Variants in LRCH3 observed in about 807,000 individuals in gnomAD.
LRCH3 encodes leucine rich repeats and calponin homology domain containing 3, also known as DISP complex protein LRCH3.
LRCH3 carries 68 observed loss-of-function variants against 104.5 expected under a neutral mutation model. The observed-to-expected ratio is 0.65, with a 90% CI of 0.54 to 0.80. LRCH3 has a LOEUF of 0.80. Among genes scored for constraint, LRCH3 ranks in the 30% least tolerant of loss-of-function variants. The probability of loss-of-function intolerance (pLI) is 0.00; values close to 1 mark genes in which losing one functional copy is unlikely to be tolerated. For synonymous variants in LRCH3, 344 were observed against 361.3 expected (o/e 0.95, Z 0.54); for missense variants, 951 against 953.9 (o/e 1.00, Z 0.04).
intron 10 of LRCH3, among the ~76,000 whole-genome samples, chr3:197,844,977 T>C (rs1322413585): frequency 1.3e-5 from 2 of 152,118 alleles, no homozygotes; most frequent in East Asian, 1.9e-4. Flanking sequence ...GATTTGGGGA[T>C]GTCAAGATCA....
rs1320184145 is a variant in LRCH3, at chr3:197,826,938, C to G, written c.701C>G (p.Pro234Arg). 1.2e-6 allele frequency: 2 copies of G among 1,613,922 alleles called. No individual in the cohort carries two copies. Among genetic ancestry groups the G allele is most frequent in the Non-Finnish European group, 1.7e-6 (2 of 1,180,024 alleles). The change falls in exon 5 of 21, where the codon CCT (proline) becomes CGT (arginine). Residue 234 changes from proline (P) to arginine (R), a missense_variant. Transcript: ENST00000425562. ...DFSCNKITTI[P>R]VCYRNLRHLQ... ...TCATGCAATAAAATTACCACAATCC[C>G]TGTTTGTTATCGGAACCTCAGGCAC...
intron 1 of LRCH3, among the ~76,000 whole-genome samples, chr3:197,795,937 C>T (rs565927941): frequency 1.6e-4 from 24 of 151,976 alleles, no homozygotes; most frequent in South Asian, 4.2e-4. Context: ...GTGATCCGCC[C>T]GCCTTGGCTT....
intron 15 of LRCH3, among the ~76,000 whole-genome samples, chr3:197,860,101 G>T (rs1740702544): frequency 6.6e-6 from 1 of 152,052 alleles, no homozygotes; most frequent in Admixed American, 6.6e-5. Context: ...TGTCTCCCAG[G>T]CTGGATCCTC....
chr3:197,870,552 G>C (rs1342528559), intron 18 of LRCH3, among the ~76,000 whole-genome samples: 1 of 152,136 alleles, frequency 6.6e-6, no homozygotes, highest in Admixed American at 6.6e-5. Flanking sequence ...TTTTAGTAGA[G>C]AAGGAGTTTC....
intron 8 of LRCH3, among the ~76,000 whole-genome samples, chr3:197,835,143 C>CA (rs529181431): frequency 6.6e-6 from 1 of 151,256 alleles, no homozygotes; most frequent in Non-Finnish European, 1.5e-5. Flanking sequence ...GACCCTGTCT[C>CA]AAAAAAACAA....
At chr3:197,868,501 G>A (rs564506417) in intron 17 of LRCH3, among the ~76,000 whole-genome samples, 1 of 152,274 alleles carries the variant, frequency 6.6e-6, no homozygotes, top group African/African-American at 2.4e-5. Flanking sequence ...ATGACCAGCA[G>A]TTTTACTTTT....
Position 197,791,432 on chromosome 3 carries a change from G to T in LRCH3, c.154G>T (p.Ala52Ser), listed in dbSNP as rs781213558. ...PGSWSRSLDR[A>S]LEEAAVTGVL... ...CTCGTGGAGCCGCTCTCTCGATCGA[G>T]CCCTGGAGGAGGCGGCGGTCACTGG... is the stretch of plus-strand genomic sequence containing the variant. Residue 52 changes from alanine (A) to serine (S), a missense_variant, in exon 1 of 21, where the codon GCC becomes TCC. By Grantham distance (99) the Ala-to-Ser change is moderately conservative. Transcript: ENST00000425562. 1.4e-5 allele frequency: 23 copies of T among 1,595,624 alleles called. No homozygotes were observed. In the East Asian group the frequency reaches 4.1e-4, roughly 28 times the overall value.
intron 4 of LRCH3, among the ~76,000 whole-genome samples, chr3:197,821,271 A>G (rs1370040750): frequency 1.3e-5 from 2 of 152,192 alleles, no homozygotes; most frequent in South Asian, 2.1e-4. Flanking sequence ...CTGCGCTAAG[A>G]GACGGGTTAT....
chr3:197,881,719 T>C (rs1713788875), intron 20 of LRCH3: 2 of 985,426 alleles, frequency 2.0e-6, no homozygotes, highest in South Asian at 9.4e-5. Context: ...TGTTTCTGAA[T>C]ATTCAGGAAC....
chr3:197,877,882 ATGT>A (rs1000996181), intron 20 of LRCH3, among the ~76,000 whole-genome samples: 1 of 152,052 alleles, frequency 6.6e-6, no homozygotes, highest in African/African-American at 2.4e-5. Context: ...TTTTTATATT[ATGT>A]TGTTTTATAA....
chr3:197,856,164 T>C lies in LRCH3; in HGVS notation c.1644+1719T>C, dbSNP rs9758918. ...CATGTACCCCTTGATTAATTCCTAC[T>C]CACCTATCAGGTATTTGTTTAAATG... On this transcript the variant is annotated intron_variant, in intron 14 of 20. Transcript: ENST00000425562. The surrounding 1 kb of genome is among the most constrained non-coding windows in gnomAD (Gnocchi z 4.2). Among the ~76,000 whole-genome samples the C allele has an allele frequency of 0.038, 5,824 of 152,210 alleles. 353 individuals are homozygous for C. Among genetic ancestry groups the C allele is most frequent in the African/African-American group, 0.13 (5,361 of 41,488 alleles).
At chr3:197,829,371 CAT>C (rs1310023910) in intron 5 of LRCH3, among the ~76,000 whole-genome samples, 191 bp from the exon 6 acceptor site, 2 of 152,084 alleles carry the variant, frequency 1.3e-5, no homozygotes, top group African/African-American at 2.4e-5. Flanking sequence ...AAAATGAAAA[CAT>C]ATTTACCAGT....
rs537768503 is a variant in LRCH3, at chr3:197,844,933, G to T, written c.1329-2476G>T. Among the ~76,000 whole-genome samples, 22 of 152,144 alleles carry T rather than the reference G, an allele frequency of 1.4e-4. No homozygotes were observed. In the South Asian group the frequency reaches 3.5e-3, roughly 24 times the overall value. ...CCACTGCACCCGGCCCTGCTGATAG[G>T]TTTAATAAGGGGAGGACTAAGAAAT... is the stretch of plus-strand genomic sequence containing the variant. On this transcript the variant is annotated intron_variant, in intron 10 of 20. Coordinates refer to ENST00000425562, the MANE Select transcript of LRCH3 (RefSeq NM_001365715.1).
rs567172984 is a variant in LRCH3 at position 197,844,870 on chromosome 3, T to C, written c.1329-2539T>C. On this transcript the variant is annotated intron_variant, in intron 10 of 20. Coordinates refer to ENST00000425562, the MANE Select transcript of LRCH3 (RefSeq NM_001365715.1). ...CTCCTGACTTTGTGATCCGCCCGCC[T>C]CGGCCTCCCAAAGAAGTGCTGGGAT... Among the ~76,000 whole-genome samples the C allele has an allele frequency of 2.0e-5, 3 of 152,238 alleles. No homozygotes were observed. The East Asian group carries it at 5.8e-4, about 29-fold the overall frequency.
rs1714066685 is a variant in LRCH3, at chr3:197,884,728, C to T, written c.*1062C>T. On this transcript the variant is annotated 3_prime_UTR_variant, in exon 21 of 21. Transcript: ENST00000425562. ...AAAAGCTATATTATGAGGAGTTGGA[C>T]TGTTCTGTCAAAGGCAAAACAAAAA... 1 of 152,208 alleles carries T rather than the reference C, an allele frequency of 6.6e-6. No homozygotes were observed. Among genetic ancestry groups the T allele is most frequent in the African/African-American group, 2.4e-5 (1 of 41,428 alleles). 9.4% of individuals were successfully genotyped at this position (152,208 alleles called of 1,614,324 possible). A position where few individuals can be genotyped will look rare whatever the true frequency, so the allele number is the denominator to read the frequency against.
At position 197,827,022 on chromosome 3, in the gene LRCH3, A is replaced by G. The variant is rs753912122; in HGVS notation, c.777+8A>G. ...CAATCACCTCCTGCACAGGTAAACC[A>G]TAGTGGAAGCATCAGGTAAACCATG... On this transcript the variant is annotated splice_region_variant and intron_variant, in intron 5 of 20. Transcript: ENST00000425562. The G allele has an allele frequency of 6.2e-6, 10 of 1,612,280 alleles. No homozygotes were observed. The highest frequency in any genetic ancestry group is 2.2e-5 in the East Asian group (1 of 44,832).
intron 12 of LRCH3, chr3:197,851,039 A>G: frequency 2.7e-6 from 2 of 735,952 alleles, no homozygotes; most frequent in South Asian, 2.8e-5. Flanking sequence ...AGAGAATAAC[A>G]GTTTACTAAG....
intron 4 of LRCH3, among the ~76,000 whole-genome samples, chr3:197,825,450 G>T (rs1208236924): frequency 1.3e-4 from 6 of 47,930 alleles, no homozygotes; most frequent in Admixed American, 4.3e-4. Context: ...AGACCTCTTT[G>T]TTGATCCTCT....
intron 15 of LRCH3, chr3:197,859,285 G>A (rs889956906): frequency 4.8e-6 from 1 of 208,972 alleles, no homozygotes; most frequent in South Asian, 7.0e-5. Context: ...ACCTTCTACA[G>A]TAGGGGTCAA....
Sources: gnomAD v4.1 joint callset for allele counts (sites outside exome capture counted in the v4.1 genomes callset) on GRCh38, gnomAD v4.1.1 for gene constraint, Gnocchi (gnomAD v3.1) non-coding constraint, MANE v1.5 for transcripts, NCBI Gene and HGNC (gene_info 2026-07-23, HGNC 2026-07-21) for gene names.